The following PTPN21 variants were observed in gnomAD, a reference collection of about 807,000 sequenced individuals.
PTPN21 encodes the protein protein tyrosine phosphatase non-receptor type 21, also known as tyrosine-protein phosphatase non-receptor type 21.
Under a neutral mutation model 131.8 loss-of-function variants are expected in PTPN21, and 77 were observed. The observed-to-expected ratio is 0.58, with a 90% confidence interval of 0.49 to 0.71. The LOEUF (loss-of-function observed/expected upper bound fraction) is 0.71, where lower values mean the gene tolerates loss of function less well. Ranked by LOEUF, PTPN21 falls within the 30% of genes least tolerant of loss-of-function variation. PTPN21 has a pLI of 0.00. For missense variants in PTPN21, 1,552 were observed against 1,527.1 expected, an observed-to-expected ratio of 1.02 and a Z score of -0.27; for synonymous variants, 715 against 621.3, an observed-to-expected ratio of 1.15 and a Z score of -2.24.
rs1330092292 is a variant in PTPN21 at position 88,468,011 on chromosome 14, G to A, written c.*126C>T. 19 of 1,220,178 alleles carry A rather than the reference G, an allele frequency of 1.6e-5. No homozygotes were observed. Among genetic ancestry groups the A allele is most frequent in the African/African-American group, 4.6e-5 (3 of 65,274 alleles). The allele number at this position is 1,220,178 out of a possible 1,614,324, so 75.6% of individuals were successfully genotyped here. A position where few individuals can be genotyped will look rare whatever the true frequency, so the allele number is the denominator to read the frequency against. The stretch of plus-strand genomic sequence containing the variant: ...TTCAGCGTGCCGCCATTCAGACTGC[G>A]CCACTTACGTCCCAGTGCCACGCTG... On this transcript the variant is annotated 3_prime_UTR_variant, in exon 19 of 19. Coordinates refer to ENST00000556564, the MANE Select transcript of PTPN21 (RefSeq NM_007039.4).
intron 2 of PTPN21, among the ~76,000 whole-genome samples, chr14:88,529,287 T>G (rs181196874): frequency 4.6e-5 from 7 of 152,298 alleles, no homozygotes; most frequent in Non-Finnish European, 8.8e-5. Context: ...TGACTTGATA[T>G]TAAACCAACC....
At chr14:88,478,119 T>C (rs911936374) in intron 13 of PTPN21, among the ~76,000 whole-genome samples, 1 of 152,218 alleles carries the variant, frequency 6.6e-6, no homozygotes, top group Non-Finnish European at 1.5e-5. Flanking sequence ...ATAGGCTTAC[T>C]GTAAATAGGC....
intron 2 of PTPN21, among the ~76,000 whole-genome samples, chr14:88,537,723 C>T (rs773498394): frequency 8.5e-5 from 13 of 152,158 alleles, no homozygotes; most frequent in Non-Finnish European, 1.5e-4. Context: ...TTAGTAGTCA[C>T]GTGTCCCTTA....
intron 2 of PTPN21, among the ~76,000 whole-genome samples, chr14:88,536,767 A>G (rs2078637667): frequency 6.6e-6 from 1 of 152,206 alleles, no homozygotes. Context: ...AAAATTGCAA[A>G]TATAATTTCA....
chr14:88,504,349 A>T (rs2078056686), intron 6 of PTPN21, 76 bp downstream of exon 6: 1 of 1,162,906 alleles, frequency 8.6e-7, no homozygotes, highest in African/African-American at 1.5e-5. Flanking sequence ...ATGTAAATTA[A>T]ATATTTAATT....
chr14:88,554,358 C>T lies in PTPN21; in HGVS notation c.-203+293G>A, dbSNP rs144352941. On this transcript the variant is annotated intron_variant, in intron 1 of 18. Transcript: ENST00000556564. ...TCACGTTTATATATTCTGAGAGGCACAAATATGCCTAACACATTTAAAACC... is the reference window on the plus strand; with the variant it reads ...TCACGTTTATATATTCTGAGAGGCATAAATATGCCTAACACATTTAAAACC... Among the ~76,000 whole-genome samples, 18 of 152,336 alleles carry T rather than the reference C, an allele frequency of 1.2e-4. 1 individual carries two copies. The highest frequency in any genetic ancestry group is 4.3e-4 in the African/African-American group (18 of 41,584).
chr14:88,470,613 C>T (rs2077447018), intron 15 of PTPN21, among the ~76,000 whole-genome samples: 1 of 152,192 alleles, frequency 6.6e-6, no homozygotes, highest in Non-Finnish European at 1.5e-5. Flanking sequence ...TTGGCTTCAC[C>T]AATATTGAGT....
chr14:88,532,838 G>A lies in PTPN21; in HGVS notation c.181-15577C>T, dbSNP rs1008770411. Among the ~76,000 whole-genome samples the A allele has an allele frequency of 1.1e-4, 16 of 152,214 alleles. No individual in the cohort carries two copies. In the South Asian group the frequency reaches 2.9e-3, roughly 28 times the overall value. ...TTTACAAAGAATTACAAATATATGG[G>A]AGTCTGGAGTTACTTACTAAAGAAA... On this transcript the variant is annotated intron_variant, in intron 2 of 18. Transcript: ENST00000556564.
At chr14:88,505,268 T>C in intron 5 of PTPN21, 36 bp downstream of exon 5, 1 of 1,488,580 alleles carries the variant, frequency 6.7e-7, no homozygotes, top group Non-Finnish European at 9.3e-7. Flanking sequence ...AATAAACTGT[T>C]TCTTTTAAAA....
At chr14:88,521,405 G>T (rs1049539531) in intron 2 of PTPN21, among the ~76,000 whole-genome samples, 1 of 151,654 alleles carries the variant, frequency 6.6e-6, no homozygotes, top group Non-Finnish European at 1.5e-5. Flanking sequence ...TTAACAGCAG[G>T]TCATTTTTTT....
At position 88,487,965 on chromosome 14, in the gene PTPN21, C is replaced by CAAA. The variant is rs535857551; in HGVS notation, c.933-2126_933-2124dup. Among the ~76,000 whole-genome samples the CAAA allele has an allele frequency of 1.2e-3, 115 of 92,526 alleles. 1 individual carries two copies. In the East Asian group the frequency reaches 0.028, roughly 22 times the overall value. The allele number at this position is 92,526 out of a possible 152,430, so 60.7% of individuals were successfully genotyped here. A position where few individuals can be genotyped will look rare whatever the true frequency, so the allele number is the denominator to read the frequency against. On this transcript the variant is annotated intron_variant, in intron 10 of 18. Transcript: ENST00000556564. ...TGGGCGACAGAGTGAGACTCCATCT[C>CAAA]AAAAAAAAAAAAAAAAAAAATAGTG... is the stretch of plus-strand genomic sequence containing the variant.
intron 3 of PTPN21, among the ~76,000 whole-genome samples, chr14:88,510,771 A>C (rs2078165464): frequency 6.6e-6 from 1 of 152,226 alleles, no homozygotes; most frequent in Non-Finnish European, 1.5e-5. Flanking sequence ...AATTAAATTA[A>C]TAAAGTACTT....
rs1566814146 is a variant in PTPN21 at position 88,479,855 on chromosome 14, A to AG, written c.1575dup (p.Tyr526LeufsTer173). ...ACCACGGGCCGCCGCTCGGCAGGGTAGGGGTAGGGAGACGGGCTGTGGAAG... is the reference window on the plus strand; with the variant it reads ...ACCACGGGCCGCCGCTCGGCAGGGTAGGGGGTAGGGAGACGGGCTGTGGAAG... On this transcript the variant is annotated frameshift_variant, in exon 13 of 19. Coordinates refer to ENST00000556564, the MANE Select transcript of PTPN21 (RefSeq NM_007039.4). LOFTEE classifies it high-confidence loss of function. The AG allele has an allele frequency of 6.4e-7, 1 of 1,565,070 alleles. No individual in the cohort carries two copies.
intron 2 of PTPN21, among the ~76,000 whole-genome samples, chr14:88,538,224 C>T (rs1373223838): frequency 3.3e-5 from 5 of 152,206 alleles, no homozygotes; most frequent in African/African-American, 7.2e-5. Context: ...GGGCTCATCA[C>T]GAAAGGCAGC....
chr14:88,497,409 G>T, intron 8 of PTPN21, 119 bp from the exon 9 acceptor site: 1 of 810,584 alleles, frequency 1.2e-6, no homozygotes, highest in Non-Finnish European at 2.0e-6. Flanking sequence ...ACATTTTTGA[G>T]AAAAACAAAA....
chr14:88,550,106 G>T (rs1457997675), intron 2 of PTPN21, 132 bp downstream of exon 2: 3 of 903,700 alleles, frequency 3.3e-6, no homozygotes, highest in African/African-American at 3.3e-5. Flanking sequence ...TAGAGACAGG[G>T]TTTCACCATG....
chr14:88,544,813 A>G (rs2078752632), intron 2 of PTPN21, among the ~76,000 whole-genome samples: 1 of 151,928 alleles, frequency 6.6e-6, no homozygotes, highest in African/African-American at 2.4e-5. Context: ...GCTTATAAAA[A>G]TATGTACTTT....
intron 1 of PTPN21, 111 bp from the exon 2 acceptor site, chr14:88,550,730 A>G: frequency 4.0e-6 from 1 of 248,218 alleles, no homozygotes; most frequent in Non-Finnish European, 7.8e-6. Context: ...TCTCCACTGG[A>G]AAAAAGGCAC....
chr14:88,518,990 TACACAC>T (rs11467393), intron 2 of PTPN21, among the ~76,000 whole-genome samples: 1 of 150,292 alleles, frequency 6.7e-6, no homozygotes, highest in African/African-American at 2.4e-5. Context: ...CACACACACA[TACACAC>T]ACACACACAC....
Sources: gnomAD v4.1 joint callset for allele counts (sites outside exome capture counted in the v4.1 genomes callset) on GRCh38, gnomAD v4.1.1 for gene constraint, MANE v1.5 for transcripts, NCBI Gene and HGNC (gene_info 2026-07-23, HGNC 2026-07-21) for gene names.